Variants in SLAIN2 observed in about 807,000 individuals in gnomAD.
SLAIN2 encodes the protein SLAIN family member 2.
A neutral mutation model predicts 56.6 loss-of-function variants in SLAIN2; 31 were observed. The ratio of observed to expected loss-of-function variants is 0.55; its 90% confidence interval spans 0.41 to 0.74. The LOEUF is 0.74. Among genes scored for constraint, SLAIN2 ranks in the 30% least tolerant of loss-of-function variants. The probability of loss-of-function intolerance (pLI) is 0.00; values close to 1 mark genes in which losing one functional copy is unlikely to be tolerated. For synonymous variants in SLAIN2, 317 were observed against 284.9 expected (o/e 1.11, Z -1.13); for missense variants, 777 against 754.2 (o/e 1.03, Z -0.35).
chr4:48,407,735 G>A (rs1338114661), intron 6 of SLAIN2, among the ~76,000 whole-genome samples: 1 of 152,038 alleles, frequency 6.6e-6, no homozygotes, highest in Non-Finnish European at 1.5e-5. Context: ...TTCTTAAAGT[G>A]TACTATTTGG....
chr4:48,355,696 T>C (rs894792785), intron 1 of SLAIN2, among the ~76,000 whole-genome samples: 6 of 152,234 alleles, frequency 3.9e-5, no homozygotes, highest in Admixed American at 2.0e-4. Flanking sequence ...CATAAAAATA[T>C]GTTAAACTTT....
intron 1 of SLAIN2, among the ~76,000 whole-genome samples, chr4:48,363,954 C>A (rs1342918596): frequency 8.0e-6 from 1 of 125,222 alleles, no homozygotes; most frequent in African/African-American, 2.8e-5. Flanking sequence ...CCGGACGGGG[C>A]GGCTGGCCGG....
chr4:48,383,951 T>C (rs1716038631), intron 6 of SLAIN2, 167 bp downstream of exon 6: 6 of 656,358 alleles, frequency 9.1e-6, no homozygotes, highest in South Asian at 5.7e-5. Flanking sequence ...ATCAAAGTTA[T>C]ATTACAATTT....
chr4:48,346,950 A>G (rs1714883136), intron 1 of SLAIN2, among the ~76,000 whole-genome samples: 1 of 151,248 alleles, frequency 6.6e-6, no homozygotes, highest in Non-Finnish European at 1.5e-5. Flanking sequence ...CTAGAATTAC[A>G]GGCATGAGCC....
chr4:48,367,269 GTT>G (rs1715544681), intron 1 of SLAIN2, among the ~76,000 whole-genome samples: 1 of 152,200 alleles, frequency 6.6e-6, no homozygotes, highest in Non-Finnish European at 1.5e-5. Flanking sequence ...AACGCCCTTT[GTT>G]TCTAGACTTC....
chr4:48,360,279 C>A (rs1228024107), intron 1 of SLAIN2, among the ~76,000 whole-genome samples: 1 of 151,764 alleles, frequency 6.6e-6, no homozygotes, highest in Non-Finnish European at 1.5e-5. Context: ...ATTTATATAC[C>A]ATAAAATGCA....
chr4:48,352,750 C>T (rs1715044421), intron 1 of SLAIN2, among the ~76,000 whole-genome samples: 1 of 152,146 alleles, frequency 6.6e-6, no homozygotes, highest in Non-Finnish European at 1.5e-5. Context: ...GTTTCGTATT[C>T]TAGTTACTTT....
At chr4:48,421,057 C>G (rs181651587) in intron 7 of SLAIN2, among the ~76,000 whole-genome samples, 107 of 151,898 alleles carry the variant, frequency 7.0e-4, no homozygotes, top group Middle Eastern at 3.4e-3. Flanking sequence ...GCTTTGTCTC[C>G]CAGGCTGGAG....
At chr4:48,383,814 C>T (rs1202548451) in intron 6 of SLAIN2, 30 bp downstream of exon 6, 1 of 1,587,462 alleles carries the variant, frequency 6.3e-7, no homozygotes, top group East Asian at 2.2e-5. Flanking sequence ...TTTCATGTAT[C>T]AGTTATTTAA....
At chr4:48,391,677 A>G (rs1716239013) in intron 6 of SLAIN2, among the ~76,000 whole-genome samples, 1 of 152,198 alleles carries the variant, frequency 6.6e-6, no homozygotes, top group African/African-American at 2.4e-5. Flanking sequence ...GGAGACCACA[A>G]AAAACACTGA....
At chr4:48,380,639 A>G (rs920395869) in intron 4 of SLAIN2, among the ~76,000 whole-genome samples, 2 of 152,186 alleles carry the variant, frequency 1.3e-5, no homozygotes, top group Non-Finnish European at 2.9e-5. Flanking sequence ...GAAGGTACTT[A>G]TTCTTGCCAG....
intron 2 of SLAIN2, among the ~76,000 whole-genome samples, chr4:48,375,469 C>T (rs1169866101): frequency 6.6e-6 from 1 of 152,106 alleles, no homozygotes; most frequent in African/African-American, 2.4e-5. Context: ...CAATCCTTTC[C>T]AGTTTTTAAT....
At chr4:48,388,098 C>A (rs527585927) in intron 6 of SLAIN2, among the ~76,000 whole-genome samples, 3 of 152,236 alleles carry the variant, frequency 2.0e-5, no homozygotes, top group South Asian at 4.2e-4. Flanking sequence ...TGTTACTATG[C>A]CAATCACTAT....
intron 1 of SLAIN2, among the ~76,000 whole-genome samples, chr4:48,342,961 A>G (rs1714767104): frequency 6.6e-6 from 1 of 152,100 alleles, no homozygotes; most frequent in African/African-American, 2.4e-5. Flanking sequence ...CCCCACCTTA[A>G]TATCACTTTC....
intron 1 of SLAIN2, among the ~76,000 whole-genome samples, chr4:48,367,940 A>G (rs1715564625): frequency 6.6e-6 from 1 of 151,888 alleles, no homozygotes; most frequent in Non-Finnish European, 1.5e-5. Flanking sequence ...TCCTACCTCC[A>G]GCCCTAGGCA....
intron 1 of SLAIN2, among the ~76,000 whole-genome samples, chr4:48,345,219 A>G (rs1458880129): frequency 1.3e-5 from 2 of 152,168 alleles, no homozygotes; most frequent in Non-Finnish European, 2.9e-5. Flanking sequence ...TTTCACATGA[A>G]TGGCCTCTTC....
chr4:48,422,267 G>A lies in SLAIN2; in HGVS notation c.*190G>A, dbSNP rs1717176572. ...ACTTTAATGACATTTAACATCAGAT[G>A]TGTTTGGTAATCATACAATCACTCT... is the stretch of plus-strand genomic sequence containing the variant. On this transcript the variant is annotated 3_prime_UTR_variant, in exon 8 of 8. Coordinates refer to ENST00000264313, the MANE Select transcript of SLAIN2 (RefSeq NM_020846.2). The A allele has an allele frequency of 1.8e-6, 1 of 542,398 alleles. No homozygotes were observed. The highest frequency in any genetic ancestry group is 2.5e-5 in the South Asian group (1 of 40,004). The allele number at this position is 542,398 out of a possible 1,614,324, so 33.6% of individuals were successfully genotyped here. A position where few individuals can be genotyped will look rare whatever the true frequency, so the allele number is the denominator to read the frequency against.
At chr4:48,363,944 CCGGA>C (rs1375760451) in intron 1 of SLAIN2, among the ~76,000 whole-genome samples, 1 of 118,072 alleles carries the variant, frequency 8.5e-6, no homozygotes, top group Non-Finnish European at 2.0e-5. Context: ...CACCTCCCTC[CCGGA>C]CGGGGCGGCT....
chr4:48,396,661 A>G (rs1057361748), intron 6 of SLAIN2, among the ~76,000 whole-genome samples: 16 of 152,222 alleles, frequency 1.1e-4, no homozygotes, highest in African/African-American at 3.9e-4. Flanking sequence ...AAACGTGTCC[A>G]GTAAAGAAAC....
Sources: gnomAD v4.1 joint callset for allele counts (sites outside exome capture counted in the v4.1 genomes callset) on GRCh38, gnomAD v4.1.1 for gene constraint, MANE v1.5 for transcripts, NCBI Gene and HGNC (gene_info 2026-07-23, HGNC 2026-07-21) for gene names.